EVC2: variants seen among roughly 807,000 people sequenced by gnomAD.
EVC2 encodes the protein limbin.
Under a neutral mutation model 149.3 loss-of-function variants are expected in EVC2, and 148 were observed. The ratio of observed to expected loss-of-function variants is 0.99; its 90% CI spans 0.87 to 1.14. The LOEUF (loss-of-function observed/expected upper bound fraction) is 1.14. Among genes scored for constraint, EVC2 ranks in the 50% most tolerant of loss-of-function variants. EVC2 has a pLI of 0.00. For synonymous variants in EVC2, 776 were observed against 649.9 expected (o/e 1.19, Z -2.95); for missense variants, 1,854 against 1,627.3 (o/e 1.14, Z -2.40).
At chr4:5,693,696 A>G (rs1258502604) in intron 3 of EVC2, among the ~76,000 whole-genome samples, 1 of 152,234 alleles carries the variant, frequency 6.6e-6, no homozygotes, top group Non-Finnish European at 1.5e-5. Flanking sequence ...CTTAGCAGGG[A>G]GCCCAAAAAA....
chr4:5,670,859 CCAT>C lies in EVC2; in HGVS notation c.871-5213_871-5211del, dbSNP rs940799449. ...AACATCATCAATATCCCCATCACCACCATCATTATCAACATCATCAATATCCCC... is the reference window on the plus strand; with the variant it reads ...AACATCATCAATATCCCCATCACCACCATTATCAACATCATCAATATCCCC... On this transcript the variant is annotated intron_variant, in intron 7 of 21. Coordinates refer to ENST00000344408, the MANE Select transcript of EVC2 (RefSeq NM_147127.5). The surrounding 1 kb of genome is among the most constrained non-coding windows in gnomAD (Gnocchi z 5.2). Among the ~76,000 whole-genome samples the C allele has an allele frequency of 1.3e-5, 2 of 151,970 alleles. No individual in the cohort carries two copies. Among genetic ancestry groups the C allele is most frequent in the African/African-American group, 4.8e-5 (2 of 41,340 alleles).
At chr4:5,699,655 A>G (rs978905442) in intron 1 of EVC2, among the ~76,000 whole-genome samples, 4 of 150,990 alleles carry the variant, frequency 2.6e-5, no homozygotes, top group African/African-American at 7.3e-5. Context: ...AAAAAAAAAA[A>G]AAAGAAAAAA....
At chr4:5,568,192 A>G (rs1345826956) in intron 20 of EVC2, among the ~76,000 whole-genome samples, 2 of 152,050 alleles carry the variant, frequency 1.3e-5, no homozygotes, top group Non-Finnish European at 2.9e-5. Flanking sequence ...CTAGGTCATA[A>G]AACCATGGAT....
intron 16 of EVC2, among the ~76,000 whole-genome samples, chr4:5,602,642 G>A (rs1714077402): frequency 2.0e-5 from 3 of 152,094 alleles, no homozygotes; most frequent in Non-Finnish European, 4.4e-5. Flanking sequence ...AAAGAAAAAG[G>A]ATTCTAGTTT....
chr4:5,593,470 C>T (rs1360290576), intron 16 of EVC2, among the ~76,000 whole-genome samples: 2 of 152,230 alleles, frequency 1.3e-5, no homozygotes, highest in Admixed American at 1.3e-4. Context: ...CAGATTCGTA[C>T]AGATTTGCTG....
rs1722025962 is a variant in EVC2, at chr4:5,562,661, G to A, written c.*187C>T. 3 of 1,459,186 alleles carry A rather than the reference G, an allele frequency of 2.1e-6. No homozygotes were observed. The highest frequency in any genetic ancestry group is 2.8e-5 in the African/African-American group (2 of 70,378). The allele number at this position is 1,459,186 out of a possible 1,614,324, so 90.4% of individuals were successfully genotyped here. A position where few individuals can be genotyped will look rare whatever the true frequency, so the allele number is the denominator to read the frequency against. ...GTCCTTGTGATATGGAAGAGAGTGG[G>A]CCATCTGGAAATTCATGAGACAAGA... On this transcript the variant is annotated 3_prime_UTR_variant, in exon 22 of 22. Transcript: ENST00000344408. This position sits in a 1 kb window ranked among gnomAD's most constrained non-coding sequence, Gnocchi z 4.3.
At chr4:5,697,037 AG>A (rs1371252828) in intron 2 of EVC2, among the ~76,000 whole-genome samples, 1 of 152,194 alleles carries the variant, frequency 6.6e-6, no homozygotes, top group Non-Finnish European at 1.5e-5. Context: ...GTAACTACTG[AG>A]GCACGATGCC....
At position 5,646,897 on chromosome 4, in the gene EVC2, T is replaced by G. The variant is rs575546600; in HGVS notation, c.1146-6059A>C. On this transcript the variant is annotated intron_variant, in intron 9 of 21. Transcript: ENST00000344408. ...TGGATGGGAAGACTGGTAAGTAAAT[T>G]AAATACCTAACAGGGATGCCATACT... is the stretch of plus-strand genomic sequence containing the variant. Among the ~76,000 whole-genome samples the G allele has an allele frequency of 2.6e-5, 4 of 152,218 alleles. No individual in the cohort carries two copies. The East Asian group carries it at 7.7e-4, about 29-fold the overall frequency.
At chr4:5,660,097 G>A (rs1233701358) in intron 9 of EVC2, among the ~76,000 whole-genome samples, 1 of 152,174 alleles carries the variant, frequency 6.6e-6, no homozygotes, top group Non-Finnish European at 1.5e-5. Context: ...AGACAAGGTG[G>A]CAAATTTTAA....
intron 16 of EVC2, among the ~76,000 whole-genome samples, chr4:5,590,139 G>A (rs1444338193): frequency 6.6e-6 from 1 of 152,128 alleles, no homozygotes; most frequent in African/African-American, 2.4e-5. Context: ...AGCTAAGAGG[G>A]AAAGTGGGAG....
chr4:5,626,063 T>C (rs1431231414), intron 12 of EVC2, among the ~76,000 whole-genome samples, 155 bp from the exon 13 acceptor site: 2 of 152,110 alleles, frequency 1.3e-5, no homozygotes, highest in African/African-American at 2.4e-5. Flanking sequence ...AGCTAAGATA[T>C]TACTAAAGTA....
the EVC2 span, among the ~76,000 whole-genome samples, chr4:5,532,442 GT>G: frequency 6.6e-6 from 1 of 152,190 alleles, no homozygotes; most frequent in Non-Finnish European, 1.5e-5. Context: ...GCCCGGCCAA[GT>G]TGACTCATAC....
chr4:5,598,733 C>T lies in EVC2; in HGVS notation c.2830-13883G>A, dbSNP rs569566514. On this transcript the variant is annotated intron_variant, in intron 16 of 21. Coordinates refer to ENST00000344408, the MANE Select transcript of EVC2 (RefSeq NM_147127.5). ...AATTGACAAATGGGATCTCATTAAACTAAAGAGCTTCTGCACAACAAAAGA... is the reference window on the plus strand; with the variant it reads ...AATTGACAAATGGGATCTCATTAAATTAAAGAGCTTCTGCACAACAAAAGA... Among the ~76,000 whole-genome samples the T allele has an allele frequency of 3.3e-5, 5 of 152,246 alleles. No homozygotes were observed. In the East Asian group the frequency reaches 9.7e-4, roughly 29 times the overall value.
chr4:5,551,012 G>A (rs978240003), intron 21 of EVC2, among the ~76,000 whole-genome samples: 1 of 152,220 alleles, frequency 6.6e-6, no homozygotes, highest in African/African-American at 2.4e-5. Context: ...AAATTGTATG[G>A]AAATGCCTGG....
downstream of EVC2, among the ~76,000 whole-genome samples, chr4:5,541,941 G>A (rs1299939359): frequency 6.6e-6 from 1 of 152,106 alleles, no homozygotes; most frequent in Non-Finnish European, 1.5e-5. Flanking sequence ...TTCATATGTT[G>A]AAACCCTAAT....
chr4:5,530,767 G>T, the EVC2 span, among the ~76,000 whole-genome samples: 1 of 152,142 alleles, frequency 6.6e-6, no homozygotes, highest in Admixed American at 6.5e-5. Context: ...GTAAACTATT[G>T]TTCCTCAAGT....
At chr4:5,536,864 G>C in the EVC2 span, among the ~76,000 whole-genome samples, 1 of 151,886 alleles carries the variant, frequency 6.6e-6, no homozygotes, top group Non-Finnish European at 1.5e-5. Flanking sequence ...GAAAAACCCT[G>C]GAGAAAAATA....
intron 16 of EVC2, among the ~76,000 whole-genome samples, chr4:5,596,096 T>G (rs1427286984): frequency 6.6e-6 from 1 of 152,146 alleles, no homozygotes; most frequent in Non-Finnish European, 1.5e-5. Flanking sequence ...ACAAAGAGAC[T>G]TAGACTCCCA....
At chr4:5,654,370 G>A (rs900121260) in intron 9 of EVC2, among the ~76,000 whole-genome samples, 1 of 152,182 alleles carries the variant, frequency 6.6e-6, no homozygotes, top group African/African-American at 2.4e-5. Context: ...TAGAGAAGGA[G>A]GTCACACATG....
Sources: gnomAD v4.1 joint callset for allele counts (sites outside exome capture counted in the v4.1 genomes callset) on GRCh38, gnomAD v4.1.1 for gene constraint, Gnocchi (gnomAD v3.1) non-coding constraint, MANE v1.5 for transcripts, NCBI Gene and HGNC (gene_info 2026-07-23, HGNC 2026-07-21) for gene names.